Variants in DPF3 observed in about 807,000 individuals in gnomAD.
The protein encoded by DPF3 is zinc finger protein DPF3.
In DPF3, 18 loss-of-function variants were observed where a neutral mutation model predicts 56.8. The ratio of observed to expected loss-of-function variants is 0.32; its 90% CI spans 0.22 to 0.47. The LOEUF (loss-of-function observed/expected upper bound fraction) is 0.47, where lower values mean the gene tolerates loss of function less well. Ranked by LOEUF, DPF3 falls within the 20% of genes least tolerant of loss-of-function variation. The probability of loss-of-function intolerance (pLI) is 1.00; values close to 1 mark genes in which losing one functional copy is unlikely to be tolerated. For synonymous variants in DPF3, 188 were observed against 180.2 expected (o/e 1.04, Z -0.35); for missense variants, 403 against 488.8 (o/e 0.82, Z 1.65).
At chr14:72,775,602 T>C (rs1891713907) in intron 1 of DPF3, among the ~76,000 whole-genome samples, 1 of 152,210 alleles carries the variant, frequency 6.6e-6, no homozygotes, top group African/African-American at 2.4e-5. Flanking sequence ...CTAAATATAA[T>C]CTTTGTGTGA....
At chr14:72,672,580 T>C (rs1886736034) in intron 8 of DPF3, among the ~76,000 whole-genome samples, 1 of 152,056 alleles carries the variant, frequency 6.6e-6, no homozygotes, top group South Asian at 2.1e-4. Context: ...CCTAGGCTGG[T>C]AGAAAATGGC....
intron 3 of DPF3, among the ~76,000 whole-genome samples, chr14:72,743,238 C>T (rs1237309391): frequency 2.0e-5 from 3 of 152,156 alleles, no homozygotes; most frequent in African/African-American, 2.4e-5. Flanking sequence ...CAGAAGGGAT[C>T]GACAAGGCCT....
intron 8 of DPF3, among the ~76,000 whole-genome samples, chr14:72,656,964 T>A (rs764195635): frequency 5.7e-4 from 87 of 152,068 alleles, no homozygotes; most frequent in Non-Finnish European, 1.1e-3. Context: ...AGTAAGAAGG[T>A]TTCAATTCAG....
Position 72,614,594 on chromosome 14 carries a change from G to T in DPF3, c.*4703C>A, listed in dbSNP as rs1427091257. Reference sequence around the variant, plus strand: ...AGGCATGATCCAGCCCTCCCTCACTGCCTTCTCTCCCCAGCTGGGTGAGGG... The same window carrying T: ...AGGCATGATCCAGCCCTCCCTCACTTCCTTCTCTCCCCAGCTGGGTGAGGG... On this transcript the variant is annotated 3_prime_UTR_variant, in exon 11 of 11. Transcript: ENST00000556509. 6.6e-6 allele frequency among the ~76,000 whole-genome samples: 1 copy of T among 151,854 alleles called. No homozygotes were observed. The highest frequency in any genetic ancestry group is 1.9e-4 in the East Asian group (1 of 5,150).
At chr14:72,690,626 C>A (rs1887639598) in intron 7 of DPF3, among the ~76,000 whole-genome samples, 1 of 151,682 alleles carries the variant, frequency 6.6e-6, no homozygotes, top group African/African-American at 2.4e-5. Context: ...CACACACACA[C>A]ACATACACGC....
At chr14:72,875,967 C>T (rs2140117784) in intron 1 of DPF3, among the ~76,000 whole-genome samples, 2 of 152,330 alleles carry the variant, frequency 1.3e-5, no homozygotes, top group East Asian at 3.9e-4. Flanking sequence ...TTAAGCTACA[C>T]AGGTTGGCAT....
chr14:72,638,546 G>T (rs1885451125), intron 8 of DPF3, among the ~76,000 whole-genome samples: 4 of 152,150 alleles, frequency 2.6e-5, no homozygotes, highest in Admixed American at 2.6e-4. Context: ...AGCAGTGATT[G>T]GTCAACACTT....
intron 9 of DPF3, among the ~76,000 whole-genome samples, chr14:72,624,835 G>C (rs1884725666): frequency 6.6e-6 from 1 of 152,188 alleles, no homozygotes; most frequent in South Asian, 2.1e-4. Flanking sequence ...CTCATGATAA[G>C]ATCCACATAT....
In DPF3 at chr14:72,613,941, C is replaced by A. The variant is rs749707290; in HGVS notation, c.*5356G>T. On this transcript the variant is annotated 3_prime_UTR_variant, in exon 11 of 11. Transcript: ENST00000556509. ...ATCCTCCCACATCCCGGGTGCCCAG[C>A]AGGAAGCACCCCCATCTTCCTCTCC... 9.9e-5 allele frequency among the ~76,000 whole-genome samples: 15 copies of A among 152,148 alleles called. No individual in the cohort carries two copies. Among genetic ancestry groups the A allele is most frequent in the Non-Finnish European group, 1.3e-4 (9 of 68,018 alleles).
intron 2 of DPF3, among the ~76,000 whole-genome samples, chr14:72,754,567 C>T (rs1364398182): frequency 6.6e-6 from 1 of 152,148 alleles, no homozygotes; most frequent in Non-Finnish European, 1.5e-5. Flanking sequence ...TGGACGCAGG[C>T]GGCCTACCAC....
chr14:72,693,637 T>C (rs1043647864), intron 6 of DPF3, among the ~76,000 whole-genome samples: 1 of 152,162 alleles, frequency 6.6e-6, no homozygotes, highest in Non-Finnish European at 1.5e-5. Context: ...GTTATGACGT[T>C]GAATTCAAAG....
chr14:72,867,672 C>G (rs150145940), intron 1 of DPF3, among the ~76,000 whole-genome samples: 17 of 152,256 alleles, frequency 1.1e-4, no homozygotes, highest in African/African-American at 3.4e-4. Context: ...GGGATGGATA[C>G]TTGGGGGTTC....
At chr14:72,868,454 G>A (rs746232371) in intron 1 of DPF3, among the ~76,000 whole-genome samples, 107 of 152,304 alleles carry the variant, frequency 7.0e-4, no homozygotes, top group Non-Finnish European at 1.1e-3. Context: ...GAACAATGGT[G>A]CTGAAACTTT....
chr14:72,628,462 C>T (rs763446656), intron 9 of DPF3, among the ~76,000 whole-genome samples: 1 of 152,052 alleles, frequency 6.6e-6, no homozygotes, highest in Middle Eastern at 3.4e-3. Context: ...ATTACTCCAG[C>T]AATAAACAAA....
At chr14:72,650,589 C>A (rs1038655244) in intron 8 of DPF3, among the ~76,000 whole-genome samples, 1 of 152,234 alleles carries the variant, frequency 6.6e-6, no homozygotes, top group Non-Finnish European at 1.5e-5. Flanking sequence ...GCCAACACAG[C>A]CTCATCTGGA....
rs1884218512 is a variant in DPF3 at position 72,618,408 on chromosome 14, G to A, written c.*889C>T. On this transcript the variant is annotated 3_prime_UTR_variant, in exon 11 of 11. Coordinates refer to ENST00000556509, the MANE Select transcript of DPF3 (RefSeq NM_001280542.3). ...CCTTCCTGGTTCTTCAGTCCCACCA[G>A]GAGAAGCTGAACCAGGTCTCCAGAA... Among the ~76,000 whole-genome samples, 1 of 152,226 alleles carries A rather than the reference G, an allele frequency of 6.6e-6. No individual in the cohort carries two copies. Among genetic ancestry groups the A allele is most frequent in the Non-Finnish European group, 1.5e-5 (1 of 68,048 alleles).
chr14:72,675,979 G>C (rs1295993370), intron 7 of DPF3, among the ~76,000 whole-genome samples: 1 of 152,180 alleles, frequency 6.6e-6, no homozygotes, highest in Non-Finnish European at 1.5e-5. Context: ...AATTTTCATT[G>C]CCCAAATCCA....
chr14:72,868,414 C>G (rs1174035320), intron 1 of DPF3, among the ~76,000 whole-genome samples: 3 of 152,300 alleles, frequency 2.0e-5, no homozygotes, highest in South Asian at 2.1e-4. Context: ...TTAAAGCATC[C>G]CTTTGTTGTT....
chr14:72,722,862 G>T (rs549026664), intron 5 of DPF3, among the ~76,000 whole-genome samples: 1 of 152,186 alleles, frequency 6.6e-6, no homozygotes, highest in East Asian at 1.9e-4. Context: ...TTCCACCTGG[G>T]TTTTTTCCCC....
Sources: allele counts gnomAD v4.1 joint callset (sites outside exome capture counted in the v4.1 genomes callset), GRCh38; gene constraint gnomAD v4.1.1; transcripts MANE v1.5; gene names NCBI Gene and HGNC (gene_info 2026-07-23, HGNC 2026-07-21).